Variants in IPO11 observed in about 807,000 individuals in gnomAD.
IPO11 encodes importin-11.
A neutral mutation model predicts 143.2 loss-of-function variants in IPO11; 66 were observed. The observed-to-expected ratio is 0.46, with a 90% CI of 0.38 to 0.57. The LOEUF (loss-of-function observed/expected upper bound fraction) is 0.57. Among genes scored for constraint, IPO11 ranks in the 20% least tolerant of loss-of-function variants. The probability of loss-of-function intolerance (pLI) is 0.00; values close to 1 mark genes in which losing one functional copy is unlikely to be tolerated. For synonymous variants in IPO11, 385 were observed against 377.8 expected (o/e 1.02, Z -0.22); for missense variants, 1,026 against 1,141.0 (o/e 0.90, Z 1.45).
At chr5:62,546,764 G>T (rs1410652720) in intron 24 of IPO11, among the ~76,000 whole-genome samples, 3 of 152,158 alleles carry the variant, frequency 2.0e-5, no homozygotes, top group Non-Finnish European at 1.5e-5. Context: ...TTACACAGTG[G>T]AGTACTGTGC....
intron 29 of IPO11, among the ~76,000 whole-genome samples, chr5:62,610,802 A>G (rs1157090065): frequency 6.6e-6 from 1 of 152,124 alleles, no homozygotes; most frequent in African/African-American, 2.4e-5. Context: ...ACATTTTTTA[A>G]TGCTTACCAT....
intron 27 of IPO11, among the ~76,000 whole-genome samples, chr5:62,576,974 A>G (rs994064371): frequency 1.3e-5 from 2 of 152,240 alleles, no homozygotes; most frequent in African/African-American, 4.8e-5. Context: ...AGCAACAAGA[A>G]TGAGAGGAAA....
At chr5:62,554,020 T>C (rs1366902577) in intron 26 of IPO11, among the ~76,000 whole-genome samples, 6 of 152,176 alleles carry the variant, frequency 3.9e-5, no homozygotes, top group African/African-American at 1.2e-4. Flanking sequence ...TGTGAGTCAC[T>C]GCGCCTGGCA....
Position 62,501,451 on chromosome 5 carries a change from A to G in IPO11, c.1591-3216A>G, listed in dbSNP as rs1741345692. 2.6e-5 allele frequency among the ~76,000 whole-genome samples: 4 copies of G among 152,344 alleles called. No homozygotes were observed. The South Asian group carries it at 8.3e-4, about 32-fold the overall frequency. On this transcript the variant is annotated intron_variant, in intron 16 of 29. Coordinates refer to ENST00000325324, the MANE Select transcript of IPO11 (RefSeq NM_016338.5). Reference sequence around the variant, plus strand: ...AACCTTAGTCTACTAAGTTTCCTACAGTCAGTTTTGAGTTTATAATTGATA... The same window carrying G: ...AACCTTAGTCTACTAAGTTTCCTACGGTCAGTTTTGAGTTTATAATTGATA...
chr5:62,525,406 T>A (rs1165666237), intron 20 of IPO11, among the ~76,000 whole-genome samples: 2 of 151,636 alleles, frequency 1.3e-5, no homozygotes, highest in East Asian at 3.9e-4. Context: ...GGTCGACAGA[T>A]TCTTGCTTTA....
At chr5:62,559,059 G>A (rs939661576) in intron 26 of IPO11, among the ~76,000 whole-genome samples, 9 of 152,110 alleles carry the variant, frequency 5.9e-5, no homozygotes, top group South Asian at 4.1e-4. Flanking sequence ...AAATTCTAGC[G>A]ATCTCAGCCT....
intron 5 of IPO11, among the ~76,000 whole-genome samples, chr5:62,459,540 C>T (rs1178824288): frequency 1.3e-5 from 2 of 151,102 alleles, no homozygotes; most frequent in Admixed American, 1.3e-4. Flanking sequence ...TAAGTGGAAG[C>T]GAATTTATAC....
At chr5:62,423,383 T>G (rs1428200475) in intron 1 of IPO11, among the ~76,000 whole-genome samples, 1 of 152,194 alleles carries the variant, frequency 6.6e-6, no homozygotes, top group East Asian at 1.9e-4. Flanking sequence ...TTCTTTCCTT[T>G]AAACAGTTCA....
At chr5:62,497,205 T>C (rs1561335387) in intron 16 of IPO11, among the ~76,000 whole-genome samples, 1 of 152,202 alleles carries the variant, frequency 6.6e-6, no homozygotes, top group African/African-American at 2.4e-5. Flanking sequence ...AATTTTTTTT[T>C]CTTTTTTTGG....
At chr5:62,501,301 G>A (rs1020827925) in intron 16 of IPO11, among the ~76,000 whole-genome samples, 1 of 151,694 alleles carries the variant, frequency 6.6e-6, no homozygotes, top group African/African-American at 2.4e-5. Context: ...TCTGTGTTTT[G>A]AACGATCCCA....
At chr5:62,620,151 A>C (rs186270489) in intron 29 of IPO11, among the ~76,000 whole-genome samples, 71 of 152,274 alleles carry the variant, frequency 4.7e-4, no homozygotes, top group African/African-American at 1.6e-3. Flanking sequence ...TCCTGAGAAC[A>C]TGTGCCCAAG....
intron 23 of IPO11, 74 bp from the exon 24 acceptor site, chr5:62,537,135 C>A (rs1221259397): frequency 2.3e-6 from 2 of 875,294 alleles, no homozygotes; most frequent in Non-Finnish European, 3.7e-6. Context: ...TATAATGAAT[C>A]CCAAATGAAA....
In IPO11 at chr5:62,451,945, C is replaced by T. The variant is rs939548439; in HGVS notation, c.516+12C>T. On this transcript the variant is annotated intron_variant, in intron 5 of 29. Transcript: ENST00000325324. ...AACTATTTTATGATGTAAGTGATTT[C>T]ACATAGTTAAATTTGATTATGAAAA... 1.1e-5 allele frequency: 17 copies of T among 1,598,248 alleles called. No homozygotes were observed. Among genetic ancestry groups the T allele is most frequent in the Non-Finnish European group, 1.4e-5 (16 of 1,165,650 alleles).
Position 62,550,477 on chromosome 5 carries a change from T to C in IPO11, c.2346+15T>C. 1.3e-6 allele frequency: 2 copies of C among 1,554,908 alleles called. No individual in the cohort carries two copies. The highest frequency in any genetic ancestry group is 2.2e-5 in the East Asian group (1 of 44,484). On this transcript the variant is annotated intron_variant, in intron 25 of 29. Coordinates refer to ENST00000325324, the MANE Select transcript of IPO11 (RefSeq NM_016338.5). ...TAGAAGGGGAGGTAAGATTTTTCTT[T>C]AAGTTCCAAAGGTAGTGTTAGACTA...
intron 26 of IPO11, among the ~76,000 whole-genome samples, chr5:62,556,721 T>G (rs1008084056): frequency 1.8e-4 from 28 of 152,240 alleles, no homozygotes; most frequent in Non-Finnish European, 3.7e-4. Flanking sequence ...ATGAGAATTT[T>G]TTTTTAAATG....
chr5:62,605,467 T>C (rs997236013), intron 29 of IPO11, among the ~76,000 whole-genome samples: 9 of 152,184 alleles, frequency 5.9e-5, no homozygotes, highest in Non-Finnish European at 8.8e-5. Context: ...GAAATAATAC[T>C]TAGAATAGCA....
At chr5:62,521,075 G>C (rs558801352) in intron 20 of IPO11, among the ~76,000 whole-genome samples, 17 of 152,320 alleles carry the variant, frequency 1.1e-4, no homozygotes, top group African/African-American at 3.8e-4. Context: ...AGATATGACA[G>C]ATTCTTATGT....
chr5:62,451,309 A>G (rs1744917768), intron 4 of IPO11, among the ~76,000 whole-genome samples: 1 of 152,206 alleles, frequency 6.6e-6, no homozygotes, highest in East Asian at 1.9e-4. Context: ...AAAAAATAAA[A>G]TACTCATCAA....
intron 5 of IPO11, 32 bp from the exon 6 acceptor site, chr5:62,467,099 C>T (rs769281696): frequency 6.3e-7 from 1 of 1,587,122 alleles, no homozygotes; most frequent in Non-Finnish European, 8.6e-7. Context: ...GTATAATACA[C>T]TATGAATAAA....
Sources: allele counts gnomAD v4.1 joint callset (sites outside exome capture counted in the v4.1 genomes callset), GRCh38; gene constraint gnomAD v4.1.1; transcripts MANE v1.5; gene names NCBI Gene and HGNC (gene_info 2026-07-23, HGNC 2026-07-21).